The following INTS4 variants were observed in gnomAD, a reference collection of about 807,000 sequenced individuals.
The protein encoded by INTS4 is integrator complex subunit 4.
In INTS4, 70 loss-of-function variants were observed where a neutral mutation model predicts 119.5. The observed-to-expected ratio is 0.59, with a 90% CI of 0.48 to 0.71. The LOEUF is 0.71. INTS4 is among the 30% of genes least tolerant of loss of function. The probability of loss-of-function intolerance (pLI) is 0.00; values close to 1 mark genes in which losing one functional copy is unlikely to be tolerated. For synonymous variants in INTS4, 316 were observed against 419.6 expected (o/e 0.75, Z 3.02); for missense variants, 867 against 1,173.2 (o/e 0.74, Z 3.81).
intron 8 of INTS4, among the ~76,000 whole-genome samples, chr11:77,943,688 C>G (rs1953982407): frequency 6.6e-6 from 1 of 152,152 alleles, no homozygotes; most frequent in South Asian, 2.1e-4. Flanking sequence ...TACTTAACAA[C>G]CTAAATTTAG....
chr11:77,937,309 C>T (rs934116331), intron 10 of INTS4, among the ~76,000 whole-genome samples: 20 of 150,998 alleles, frequency 1.3e-4, no homozygotes, highest in African/African-American at 4.6e-4. Flanking sequence ...TATACCCAGG[C>T]ATATCATAAT....
chr11:77,906,347 G>A (rs955394224), intron 16 of INTS4, among the ~76,000 whole-genome samples: 1 of 152,020 alleles, frequency 6.6e-6, no homozygotes, highest in African/African-American at 2.4e-5. Context: ...ACTTGCCTTG[G>A]GTTCTGGCTC....
intron 14 of INTS4, among the ~76,000 whole-genome samples, chr11:77,919,429 G>A (rs747533722): frequency 2.1e-4 from 32 of 152,112 alleles, no homozygotes; most frequent in Non-Finnish European, 3.7e-4. Context: ...TGGGATTAGA[G>A]GTGGCCGCCC....
At position 77,907,791 on chromosome 11, in the gene INTS4, C is replaced by A; in HGVS notation, c.1942G>T (p.Glu648Ter). 1 of 1,613,118 alleles carries A rather than the reference C, an allele frequency of 6.2e-7. No individual in the cohort carries two copies. The highest frequency in any genetic ancestry group is 8.5e-7 in the Non-Finnish European group (1 of 1,179,236). The change falls in exon 16 of 23, where the codon GAA becomes TAA. Residue 648 changes from glutamate to a stop codon, truncating the protein, a stop_gained. Transcript: ENST00000534064. LOFTEE classifies it high-confidence loss of function. ...ACTCCTGCCAATTCAGATTGAAGTT[C>A]TCCAAGTCTTTGCAGATCCCTATAG... ...FTIRDLQRLG[E>*]LQSELAGVAD...
At chr11:77,921,693 T>C (rs1401171332) in intron 13 of INTS4, among the ~76,000 whole-genome samples, 1 of 152,104 alleles carries the variant, frequency 6.6e-6, no homozygotes. Context: ...ATACAAAAAA[T>C]GGAAATGATT....
Position 77,895,530 on chromosome 11 carries a change from A to G in INTS4, c.2229-1181T>C, listed in dbSNP as rs1303692224. Among the ~76,000 whole-genome samples, 19 of 39,670 alleles carry G rather than the reference A, an allele frequency of 4.8e-4. No homozygotes were observed. In the East Asian group the frequency reaches 0.015, roughly 31 times the overall value. The allele number at this position is 39,670 out of a possible 152,430, so 26.0% of individuals were successfully genotyped here. Reference sequence around the variant, plus strand: ...CATTCATTCTAATTCTTTTCCTGAAAAAAAAAAAAAAAAAAAAAAAAAAAA... The same window carrying G: ...CATTCATTCTAATTCTTTTCCTGAAGAAAAAAAAAAAAAAAAAAAAAAAAA... On this transcript the variant is annotated intron_variant, in intron 18 of 22. Transcript: ENST00000534064.
At chr11:77,960,583 C>G (rs565384832) in intron 5 of INTS4, among the ~76,000 whole-genome samples, 192 bp from the exon 6 acceptor site, 1 of 151,948 alleles carries the variant, frequency 6.6e-6, no homozygotes, top group African/African-American at 2.4e-5. Context: ...CAAATCTAAC[C>G]CATGGACTGT....
chr11:77,953,348 C>T (rs1168012778), intron 8 of INTS4, among the ~76,000 whole-genome samples: 1 of 152,034 alleles, frequency 6.6e-6, no homozygotes, highest in Non-Finnish European at 1.5e-5. Flanking sequence ...TATACTATGC[C>T]CCCACCCACC....
chr11:77,875,535 C>T (rs1035552110), downstream of INTS4, among the ~76,000 whole-genome samples: 3 of 152,106 alleles, frequency 2.0e-5, no homozygotes, highest in African/African-American at 7.2e-5. Flanking sequence ...GGAATAGCAC[C>T]GCCTTCTCCA....
chr11:77,912,608 T>C (rs182308883), intron 15 of INTS4, among the ~76,000 whole-genome samples: 1 of 152,226 alleles, frequency 6.6e-6, no homozygotes, highest in Non-Finnish European at 1.5e-5. Context: ...ATGTAGTTTA[T>C]TTTTTTCAAT....
chr11:77,993,102 A>C (rs1455043695), intron 1 of INTS4, among the ~76,000 whole-genome samples: 3 of 152,222 alleles, frequency 2.0e-5, no homozygotes, highest in Non-Finnish European at 2.9e-5. Flanking sequence ...AAGCAATATC[A>C]ACTGTCATTC....
intron 4 of INTS4, among the ~76,000 whole-genome samples, chr11:77,961,405 C>T (rs1471189637): frequency 2.0e-5 from 3 of 152,060 alleles, no homozygotes; most frequent in Admixed American, 2.0e-4. Context: ...GGCACTTTGC[C>T]TTGTACAGAG....
intron 4 of INTS4, among the ~76,000 whole-genome samples, chr11:77,977,093 GAAT>G (rs1041045178): frequency 4.6e-4 from 69 of 151,574 alleles, no homozygotes; most frequent in African/African-American, 1.6e-3. Context: ...GAAATAAAAA[GAAT>G]AAAATAAAAT....
rs377572104 is a variant in INTS4 at position 77,903,447 on chromosome 11, C to T, written c.2097+93G>A. On this transcript the variant is annotated intron_variant, in intron 17 of 22. Transcript: ENST00000534064. ...CACAACTTTTCCTGCAAGGCCTACA[C>T]AGACAGAGCTATAGGAAGGCCTCTG... 6.2e-6 allele frequency: 10 copies of T among 1,605,318 alleles called. No individual in the cohort carries two copies. The South Asian group carries it at 1.1e-4, about 18-fold the overall frequency.
At position 77,901,534 on chromosome 11, in the gene INTS4, G is replaced by T. The variant is rs1295129126; in HGVS notation, c.2115C>A (p.Tyr705Ter). Residue 705 changes from tyrosine (Y) to a stop codon, truncating the protein, a stop_gained, in exon 18 of 23, where the codon TAC becomes TAA. Transcript: ENST00000534064. LOFTEE classifies it high-confidence loss of function. ...AAAKQIMEET[Y>*]KMEFMYSGVE... is the part of the protein sequence containing the mutation. ...CACCACTGTACATGAATTCCATTTT[G>T]TAGGTCTCTTCCATAATCTATAAAG... 3 of 1,607,824 alleles carry T rather than the reference G, an allele frequency of 1.9e-6. No homozygotes were observed. The highest frequency in any genetic ancestry group is 2.6e-6 in the Non-Finnish European group (3 of 1,174,306).
intron 8 of INTS4, among the ~76,000 whole-genome samples, chr11:77,941,900 C>T (rs1025380782): frequency 5.3e-5 from 8 of 152,068 alleles, no homozygotes; most frequent in Non-Finnish European, 1.2e-4. Flanking sequence ...ATATTAGTCC[C>T]ATTTTATATA....
intron 14 of INTS4, 111 bp from the exon 15 acceptor site, chr11:77,919,089 G>GA: frequency 9.2e-7 from 1 of 1,090,832 alleles, no homozygotes; most frequent in Non-Finnish European, 1.3e-6. Flanking sequence ...AAACAAAGGG[G>GA]AAAAAAGGCT....
intron 8 of INTS4, among the ~76,000 whole-genome samples, chr11:77,950,249 G>A (rs1344097826): frequency 6.6e-6 from 1 of 152,096 alleles, no homozygotes; most frequent in Non-Finnish European, 1.5e-5. Context: ...ACAGCATTAG[G>A]AGAAATACCT....
intron 8 of INTS4, among the ~76,000 whole-genome samples, chr11:77,946,240 C>T (rs1418952972): frequency 6.6e-6 from 1 of 152,166 alleles, no homozygotes; most frequent in East Asian, 1.9e-4. Flanking sequence ...ACAGCTGAAG[C>T]TGACAAGGAT....
Sources: allele counts gnomAD v4.1 joint callset (sites outside exome capture counted in the v4.1 genomes callset), GRCh38; gene constraint gnomAD v4.1.1; transcripts MANE v1.5; gene names NCBI Gene and HGNC (gene_info 2026-07-23, HGNC 2026-07-21).